VPS13D: variants seen among roughly 807,000 people sequenced by gnomAD.
The protein encoded by VPS13D is intermembrane lipid transfer protein VPS13D.
In VPS13D, 187 loss-of-function variants were observed where a neutral mutation model predicts 461.9. That is an observed-to-expected ratio of 0.40 (90% CI 0.36 to 0.46). The LOEUF (loss-of-function observed/expected upper bound fraction) is 0.46. VPS13D is among the 20% of genes least tolerant of loss of function. The probability of loss-of-function intolerance (pLI) is 0.60; values close to 1 mark genes in which losing one functional copy is unlikely to be tolerated. For missense variants in VPS13D, 4,711 were observed against 5,364.9 expected, an observed-to-expected ratio of 0.88 and a Z score of 3.81; for synonymous variants, 1,951 against 1,986.3, an observed-to-expected ratio of 0.98 and a Z score of 0.47.
At chr1:12,427,501 G>A (rs1230339622) in intron 65 of VPS13D, among the ~76,000 whole-genome samples, 1 of 151,650 alleles carries the variant, frequency 6.6e-6, no homozygotes, top group African/African-American at 2.4e-5. Context: ...AAAAAGGATA[G>A]TTGTGTCTGT....
chr1:12,497,364 AGTAC>A, intron 67 of VPS13D, 132 bp from the exon 68 acceptor site: 1 of 997,798 alleles, frequency 1.0e-6, no homozygotes, highest in Non-Finnish European at 1.4e-6. Context: ...ATTCACAGGC[AGTAC>A]TGTAGGTTAA....
chr1:12,386,231 A>G lies in VPS13D; in HGVS notation c.11531A>G (p.Lys3844Arg). Residue 3844 changes from lysine to arginine, a missense_variant, in exon 60 of 70, where the codon AAA becomes AGA. Transcript: ENST00000620676. ...GGAATTGGGTTGTCCTTAATTAATA[A>G]AGTCCCAGAAGAACTGGTCTTTGCA... ...EGGIGLSLIN[K>R]VPEELVFASL... is the part of the protein sequence containing the mutation. The G allele has an allele frequency of 6.2e-7, 1 of 1,613,652 alleles. No individual in the cohort carries two copies. Among genetic ancestry groups the G allele is most frequent in the Non-Finnish European group, 8.5e-7 (1 of 1,179,834 alleles).
chr1:12,430,207 T>A (rs1345935500), intron 65 of VPS13D, among the ~76,000 whole-genome samples: 2 of 152,214 alleles, frequency 1.3e-5, no homozygotes, highest in East Asian at 1.9e-4. Context: ...TCATGGCTCC[T>A]TGTAGTTTTA....
intron 55 of VPS13D, among the ~76,000 whole-genome samples, chr1:12,374,922 G>C (rs1032181728): frequency 6.6e-6 from 1 of 152,174 alleles, no homozygotes; most frequent in Non-Finnish European, 1.5e-5. Flanking sequence ...ATTTTTAGTA[G>C]AGACGGGGTT....
At chr1:12,236,175 C>T (rs235256) in intron 2 of VPS13D, among the ~76,000 whole-genome samples, 1 of 151,888 alleles carries the variant, frequency 6.6e-6, no homozygotes, top group Non-Finnish European at 1.5e-5. Context: ...CAGGGTAGAA[C>T]AATGCTTTTT....
chr1:12,232,345 G>A (rs1238808331), intron 1 of VPS13D, among the ~76,000 whole-genome samples: 1 of 152,192 alleles, frequency 6.6e-6, no homozygotes, highest in Non-Finnish European at 1.5e-5. Flanking sequence ...GTAGTTGTTG[G>A]ATGGCAGCCT....
chr1:12,335,326 C>T (rs898233261), intron 38 of VPS13D, among the ~76,000 whole-genome samples: 6 of 152,166 alleles, frequency 3.9e-5, no homozygotes, highest in Non-Finnish European at 7.3e-5. Context: ...CTGAGCCTCC[C>T]GAAGTGCTGA....
rs1266389925 is a variant in VPS13D, at chr1:12,234,383, A to C, written c.97+20A>C. 10 of 1,594,520 alleles carry C rather than the reference A, an allele frequency of 6.3e-6. No individual in the cohort carries two copies. In the East Asian group the frequency reaches 2.2e-4, roughly 36 times the overall value. Reference sequence around the variant, plus strand: ...TCAAAGGTGAGTATTTCTCTGGGTGAGATACAGCTTTATAGGTGGCGTTTC... The same window carrying C: ...TCAAAGGTGAGTATTTCTCTGGGTGCGATACAGCTTTATAGGTGGCGTTTC... On this transcript the variant is annotated intron_variant, in intron 2 of 69. Transcript: ENST00000620676.
chr1:12,420,769 T>C (rs1644853139), intron 65 of VPS13D, among the ~76,000 whole-genome samples: 1 of 152,192 alleles, frequency 6.6e-6, no homozygotes, highest in African/African-American at 2.4e-5. Flanking sequence ...GTTAAGAGAT[T>C]TGTTTTTAAC....
intron 65 of VPS13D, among the ~76,000 whole-genome samples, chr1:12,419,003 G>A (rs1249915806): frequency 1.3e-5 from 2 of 152,070 alleles, no homozygotes; most frequent in Non-Finnish European, 2.9e-5. Flanking sequence ...TATTCTCCTT[G>A]GTTTGTGGAA....
At chr1:12,417,366 T>G (rs1644807571) in intron 65 of VPS13D, among the ~76,000 whole-genome samples, 1 of 152,356 alleles carries the variant, frequency 6.6e-6, no homozygotes, top group Admixed American at 6.5e-5. Context: ...GGACATTTTC[T>G]TAGTTCACTC....
intron 53 of VPS13D, among the ~76,000 whole-genome samples, chr1:12,369,057 G>A (rs1326224082): frequency 1.3e-5 from 2 of 152,202 alleles, no homozygotes; most frequent in South Asian, 2.1e-4. Context: ...GTGATGATCT[G>A]TAGCCAAATT....
At chr1:12,464,648 C>T (rs772715471) in intron 67 of VPS13D, among the ~76,000 whole-genome samples, 6 of 151,630 alleles carry the variant, frequency 4.0e-5, no homozygotes, top group South Asian at 4.2e-4. Flanking sequence ...GCATTCCAAG[C>T]GACAGCCACC....
chr1:12,464,089 A>T (rs879876278), intron 67 of VPS13D, among the ~76,000 whole-genome samples: 1 of 152,242 alleles, frequency 6.6e-6, no homozygotes, highest in Admixed American at 6.5e-5. Flanking sequence ...TCTTAGGAAC[A>T]TACTGGCTCT....
chr1:12,311,689 C>T (rs1391971510), intron 28 of VPS13D, 64 bp downstream of exon 28: 34 of 1,595,522 alleles, frequency 2.1e-5, no homozygotes, highest in Non-Finnish European at 6.8e-6. Context: ...CCCTGTGTAT[C>T]TATTCCTCAA....
intron 29 of VPS13D, 132 bp downstream of exon 29, chr1:12,312,057 GTT>G: frequency 3.7e-6 from 2 of 539,478 alleles, no homozygotes; most frequent in Non-Finnish European, 3.0e-6. Context: ...GTGTCTTTTG[GTT>G]GATCTACACA....
rs1646134457 is a variant in VPS13D, at chr1:12,507,917, T to C, written c.13035+824T>C. Among the ~76,000 whole-genome samples, 1 of 152,250 alleles carries C rather than the reference T, an allele frequency of 6.6e-6. No individual in the cohort carries two copies. Among genetic ancestry groups the C allele is most frequent in the African/African-American group, 2.4e-5 (1 of 41,470 alleles). ...GCATACCCGGATTTTGAAGCTTGCA[T>C]TCAAGAATGATACATTAATCAAAAG... On this transcript the variant is annotated intron_variant, in intron 69 of 69. Transcript: ENST00000620676. The surrounding 1 kb of genome is among the most constrained non-coding windows in gnomAD (Gnocchi z 5.3).
intron 42 of VPS13D, among the ~76,000 whole-genome samples, chr1:12,344,122 C>T (rs1395005159): frequency 6.6e-6 from 1 of 152,130 alleles, no homozygotes; most frequent in Non-Finnish European, 1.5e-5. Flanking sequence ...GTATTATTTA[C>T]AAGTATTTTT....
rs750639942 is a variant in VPS13D at position 12,322,664 on chromosome 1, C to T, written c.7833C>T (p.Ser2611=). The part of the protein sequence containing the change: ...VPDSVALESD[S]VGTYLPGASR... ...ACTCAGTGGCCCTGGAGTCAGACTC[C>T]GTTGGCACTTACCTTCCAGGTGCAT... The change falls in exon 34 of 70, where the codon TCC becomes TCT. Residue 2611 remains serine (S), a synonymous_variant. Coordinates refer to ENST00000620676, the MANE Select transcript of VPS13D (RefSeq NM_015378.4). The T allele has an allele frequency of 3.7e-6, 6 of 1,614,190 alleles. No individual in the cohort carries two copies. The highest frequency in any genetic ancestry group is 2.2e-5 in the East Asian group (1 of 44,888).
Sources: allele counts gnomAD v4.1 joint callset (sites outside exome capture counted in the v4.1 genomes callset), GRCh38; gene constraint gnomAD v4.1.1; non-coding constraint Gnocchi (gnomAD v3.1); transcripts MANE v1.5; gene names NCBI Gene and HGNC (gene_info 2026-07-23, HGNC 2026-07-21).